The following SMC3 variants were observed in gnomAD, a reference collection of about 807,000 sequenced individuals.
SMC3 encodes the protein structural maintenance of chromosomes 3.
Under a neutral mutation model 171.8 loss-of-function variants are expected in SMC3, and 20 were observed. The observed-to-expected ratio is 0.12, with a 90% CI of 0.08 to 0.17. The LOEUF is 0.17. Among genes scored for constraint, SMC3 ranks in the 10% least tolerant of loss-of-function variants. The probability of loss-of-function intolerance (pLI) is 1.00; values close to 1 mark genes in which losing one functional copy is unlikely to be tolerated. For missense variants in SMC3, 543 were observed against 1,420.4 expected (o/e 0.38, Z 9.93); for synonymous variants, 464 against 451.1 (o/e 1.03, Z -0.36).
At position 110,593,150 on chromosome 10, in the gene SMC3, T is replaced by C. The variant is rs79046607; in HGVS notation, c.1890T>C (p.Thr630=). Reference sequence around the variant, plus strand: ...CTTTCAAACATGTGTTTGGAAAGACTCTTATTTGTCGTAGCATGGAAGTTT... The same window carrying C: ...CTTTCAAACATGTGTTTGGAAAGACCCTTATTTGTCGTAGCATGGAAGTTT... ...DKAFKHVFGK[T]LICRSMEVST... Residue 630 remains threonine, a synonymous_variant, in exon 18 of 29, where the codon ACT becomes ACC. Transcript: ENST00000361804. 3.1e-6 allele frequency: 5 copies of C among 1,614,092 alleles called. No homozygotes were observed. The African/African-American group carries it at 5.3e-5, about 17-fold the overall frequency.
intron 2 of SMC3, among the ~76,000 whole-genome samples, chr10:110,572,569 T>C (rs1047188024): frequency 2.0e-5 from 3 of 152,178 alleles, no homozygotes; most frequent in Admixed American, 1.3e-4. Context: ...CTGACTCTTA[T>C]TGATGATATT....
intron 2 of SMC3, among the ~76,000 whole-genome samples, chr10:110,569,589 A>C (rs1856804): frequency 6.6e-6 from 1 of 151,936 alleles, no homozygotes; most frequent in Non-Finnish European, 1.5e-5. Flanking sequence ...CTATGTAACA[A>C]ACCTGCATGT....
intron 7 of SMC3, among the ~76,000 whole-genome samples, chr10:110,579,544 C>G (rs754861785): frequency 6.6e-6 from 1 of 152,106 alleles, no homozygotes; most frequent in Non-Finnish European, 1.5e-5. Context: ...CCCCTCAACC[C>G]TATGTGCTTT....
intron 18 of SMC3, among the ~76,000 whole-genome samples, 156 bp from the exon 19 acceptor site, chr10:110,596,242 A>AC (rs397780535): frequency 6.7e-6 from 1 of 150,206 alleles, no homozygotes; most frequent in African/African-American, 2.4e-5. Context: ...AAAAAAAAAA[A>AC]TCTAGCATTG....
intron 17 of SMC3, among the ~76,000 whole-genome samples, chr10:110,591,929 G>C (rs536813749): frequency 6.6e-6 from 1 of 152,236 alleles, no homozygotes; most frequent in African/African-American, 2.4e-5. Context: ...GAGACACAAA[G>C]GAGTACATGG....
intron 23 of SMC3, 122 bp from the exon 24 acceptor site, chr10:110,601,515 A>C: frequency 9.6e-7 from 1 of 1,038,316 alleles, no homozygotes; most frequent in Non-Finnish European, 1.4e-6. Context: ...AAATTTTCAC[A>C]GAAAATTTTA....
chr10:110,594,933 T>C (rs1158350262), intron 18 of SMC3, among the ~76,000 whole-genome samples: 1 of 152,148 alleles, frequency 6.6e-6, no homozygotes, highest in African/African-American at 2.4e-5. Context: ...GTTTTCTCAA[T>C]TATCCTAAAA....
Position 110,605,126 on chromosome 10 carries a change from CAT to C in SMC3, c.*828_*829del, listed in dbSNP as rs1417024652. On this transcript the variant is annotated 3_prime_UTR_variant, in exon 29 of 29. Coordinates refer to ENST00000361804, the MANE Select transcript of SMC3 (RefSeq NM_005445.4). ...CAGAAGCGAAGTATTCTCATTACCT[CAT>C]ATAATAGTACATATTATTAACATGT... Among the ~76,000 whole-genome samples the C allele has an allele frequency of 2.1e-4, 32 of 152,308 alleles. No individual in the cohort carries two copies. The South Asian group carries it at 6.4e-3, about 31-fold the overall frequency.
chr10:110,572,601 G>C (rs186841526), intron 2 of SMC3, among the ~76,000 whole-genome samples: 1 of 152,254 alleles, frequency 6.6e-6, no homozygotes, highest in South Asian at 2.1e-4. Flanking sequence ...CCCAGTCAAG[G>C]TCTAATGTTT....
At chr10:110,572,172 T>A (rs1284333656) in intron 2 of SMC3, among the ~76,000 whole-genome samples, 1 of 152,228 alleles carries the variant, frequency 6.6e-6, no homozygotes, top group Non-Finnish European at 1.5e-5. Flanking sequence ...TCATTTCCAC[T>A]TTTTACACAC....
chr10:110,578,032 C>T (rs962772266), intron 6 of SMC3, 118 bp downstream of exon 6: 1 of 716,274 alleles, frequency 1.4e-6, no homozygotes, highest in Non-Finnish European at 2.5e-6. Context: ...CCTCGGCTTC[C>T]TAAAGTGCTA....
intron 2 of SMC3, among the ~76,000 whole-genome samples, chr10:110,571,264 A>G (rs1860867243): frequency 6.6e-6 from 1 of 152,186 alleles, no homozygotes; most frequent in African/African-American, 2.4e-5. Flanking sequence ...CACAGACAGG[A>G]TTAGCTGCTA....
intron 2 of SMC3, among the ~76,000 whole-genome samples, chr10:110,571,642 T>G (rs11813567): frequency 0.11 from 16,934 of 152,154 alleles, 1,860 homozygotes; most frequent in African/African-American, 0.28. Context: ...ACCAGAGGTA[T>G]TAGGAGACTG....
Position 110,601,712 on chromosome 10 carries a change from T to G in SMC3, c.2720T>G (p.Met907Arg). ...LQKSMERWKN[M>R]EKEHMDAINH... ...AAGAGTATGGAGCGCTGGAAAAATA[T>G]GGAAAAAGAACATATGGATGCTATA... is the stretch of plus-strand genomic sequence containing the variant. Residue 907 changes from methionine (M) to arginine (R), a missense_variant, in exon 24 of 29, where the codon ATG becomes AGG. Around this residue, in one of 8 missense-constraint regions of SMC3, gnomAD observed 81 missense variants for 184.2 expected, o/e 0.44. Transcript: ENST00000361804. The G allele has an allele frequency of 5.0e-6, 8 of 1,613,294 alleles. No individual in the cohort carries two copies. The highest frequency in any genetic ancestry group is 6.8e-6 in the Non-Finnish European group (8 of 1,179,690).
intron 13 of SMC3, among the ~76,000 whole-genome samples, chr10:110,588,539 A>G (rs573536081): frequency 6.6e-6 from 1 of 152,174 alleles, no homozygotes; most frequent in Non-Finnish European, 1.5e-5. Context: ...GATGATCTTC[A>G]GCTTTATTTT....
chr10:110,575,158 A>G (rs1306280427), intron 3 of SMC3, among the ~76,000 whole-genome samples, 178 bp from the exon 4 acceptor site: 1 of 152,110 alleles, frequency 6.6e-6, no homozygotes, highest in Non-Finnish European at 1.5e-5. Context: ...ATCATTTCCT[A>G]CCTGATTAGT....
At chr10:110,602,265 TCC>T in intron 25 of SMC3, 87 bp downstream of exon 25, 1 of 1,244,142 alleles carries the variant, frequency 8.0e-7, no homozygotes, top group Non-Finnish European at 1.2e-6. Context: ...AAAGCTGTTT[TCC>T]TCATTACCAG....
chr10:110,583,647 T>C, intron 11 of SMC3, 99 bp downstream of exon 11: 1 of 1,377,058 alleles, frequency 7.3e-7, no homozygotes, highest in Non-Finnish European at 1.0e-6. Flanking sequence ...GGAATTTTTT[T>C]TTAAGCTTTG....
rs898843145 is a variant in SMC3 at position 110,602,130 on chromosome 10, T to C, written c.3057T>C (p.Asn1019=). 1.2e-6 allele frequency: 2 copies of C among 1,613,832 alleles called. No individual in the cohort carries two copies. The highest frequency in any genetic ancestry group is 3.3e-5 in the Admixed American group (2 of 60,020). Reference sequence around the variant, plus strand: ...ACAAATCAATCATGGAACTGATGAATGTACTTGAACTTCGGAAATATGAAG... The same window carrying C: ...ACAAATCAATCATGGAACTGATGAACGTACTTGAACTTCGGAAATATGAAG... ...RGYKSIMELM[N]VLELRKYEAI... The change falls in exon 25 of 29, where the codon AAT becomes AAC. Residue 1019 remains asparagine, a synonymous_variant. Coordinates refer to ENST00000361804, the MANE Select transcript of SMC3 (RefSeq NM_005445.4).
Sources: gnomAD v4.1 joint callset for allele counts (sites outside exome capture counted in the v4.1 genomes callset) on GRCh38, gnomAD v4.1.1 for gene constraint, gnomAD v4.1.1 regional missense constraint, MANE v1.5 for transcripts, NCBI Gene and HGNC (gene_info 2026-07-23, HGNC 2026-07-21) for gene names.